Variants in TRRAP observed in about 807,000 individuals in gnomAD.
The protein encoded by TRRAP is transformation/transcription domain-associated protein.
Under a neutral mutation model 438.8 loss-of-function variants are expected in TRRAP, and 41 were observed. That is an observed-to-expected ratio of 0.09 (90% CI 0.07 to 0.12). The LOEUF (loss-of-function observed/expected upper bound fraction) is 0.12, where lower values mean the gene tolerates loss of function less well. Ranked by LOEUF, TRRAP falls within the 10% of genes least tolerant of loss-of-function variation. The pLI, the probability that TRRAP is intolerant of heterozygous loss-of-function variation, is 1.00. For synonymous variants in TRRAP, 1,994 were observed against 1,962.9 expected, an observed-to-expected ratio of 1.02 and a Z score of -0.42; for missense variants, 3,122 against 5,055.1, an observed-to-expected ratio of 0.62 and a Z score of 11.60.
chr7:98,992,231 C>A lies in TRRAP; in HGVS notation c.9847+4C>A. On this transcript the variant is annotated splice_donor_region_variant and intron_variant, in intron 65 of 72. Transcript: ENST00000456197. ...CAGCGGGAACGCTACAAGAGCGGTA[C>A]GTCTCGGGTGGGGCCGGTAGGCCAG... 1.2e-6 allele frequency: 2 copies of A among 1,613,900 alleles called. No individual in the cohort carries two copies. Among genetic ancestry groups the A allele is most frequent in the South Asian group, 1.1e-5 (1 of 91,084 alleles).
Position 98,908,806 on chromosome 7 carries a change from C to T in TRRAP, c.1194C>T (p.Ala398=), listed in dbSNP as rs537115692. The T allele has an allele frequency of 2.8e-5, 45 of 1,606,268 alleles. No homozygotes were observed. The East Asian group carries it at 4.9e-4, about 18-fold the overall frequency. The change falls in exon 14 of 73, where the codon GCC becomes GCT. Residue 398 remains alanine (A), a synonymous_variant. Coordinates refer to ENST00000456197, the MANE Select transcript of TRRAP (RefSeq NM_001375524.1). This position sits in a 1 kb window ranked among gnomAD's most constrained non-coding sequence, Gnocchi z 4.1. ...TGCCCCTCAGCGACCTCTCCCTCGC[C>T]GTCCAGCTCTTCGCCAAGAACATCG... is the stretch of plus-strand genomic sequence containing the variant. ...QHLPLSDLSL[A]VQLFAKNIDD... is the part of the protein sequence containing the mutation.
intron 69 of TRRAP, 97 bp from the exon 70 acceptor site, chr7:99,008,280 C>T (rs986548942): frequency 1.2e-5 from 15 of 1,287,580 alleles, no homozygotes; most frequent in African/African-American, 5.9e-5. Context: ...CATACAGAGC[C>T]GGGTCAGCTC....
chr7:98,923,754 T>G (rs939963372), intron 21 of TRRAP, among the ~76,000 whole-genome samples: 1 of 152,230 alleles, frequency 6.6e-6, no homozygotes, highest in African/African-American at 2.4e-5. Context: ...GGGGAGGGCC[T>G]CTGTCCCTGT....
chr7:98,957,752 T>C (rs931076850), intron 43 of TRRAP, among the ~76,000 whole-genome samples: 26 of 152,216 alleles, frequency 1.7e-4, no homozygotes, highest in African/African-American at 6.3e-4. Flanking sequence ...CTCGCACTTT[T>C]GTTCCCCATC....
intron 53 of TRRAP, 83 bp downstream of exon 53, chr7:98,972,028 G>A (rs1295530798): frequency 2.0e-6 from 3 of 1,489,218 alleles, no homozygotes; most frequent in East Asian, 4.7e-5. Flanking sequence ...CCACAGCAGT[G>A]TAACTTTTTC....
At position 98,956,362 on chromosome 7, in the gene TRRAP, ATCAG is replaced by A. The variant is rs782243003; in HGVS notation, c.6097-31_6097-28del. On this transcript the variant is annotated intron_variant, in intron 42 of 72. Coordinates refer to ENST00000456197, the MANE Select transcript of TRRAP (RefSeq NM_001375524.1). The surrounding 1 kb of genome is among the most constrained non-coding windows in gnomAD (Gnocchi z 4.5). Reference sequence around the variant, plus strand: ...GTCTTCCTTTGACTTCTCCCTAGAAATCAGTCAGTAAAACCAAGCGCCTGTGTGT... The same window carrying A: ...GTCTTCCTTTGACTTCTCCCTAGAAATCAGTAAAACCAAGCGCCTGTGTGT... The A allele has an allele frequency of 6.2e-7, 1 of 1,613,294 alleles. No individual in the cohort carries two copies. Among genetic ancestry groups the A allele is most frequent in the Non-Finnish European group, 8.5e-7 (1 of 1,179,486 alleles).
intron 61 of TRRAP, 62 bp downstream of exon 61, chr7:98,984,420 G>A: frequency 6.8e-7 from 1 of 1,474,196 alleles, no homozygotes; most frequent in Admixed American, 2.4e-5. Context: ...GGAGAATGAG[G>A]CAATGTGGGG....
chr7:98,921,620 C>T (rs1231334421), intron 20 of TRRAP, 133 bp from the exon 21 acceptor site: 5 of 1,174,606 alleles, frequency 4.3e-6, no homozygotes, highest in Non-Finnish European at 6.0e-6. Context: ...AGGTGATCTA[C>T]CCGCCTTAGC....
chr7:98,950,232 C>A lies in TRRAP; in HGVS notation c.5304C>A (p.Asp1768Glu). The change falls in exon 38 of 73, where the codon GAC becomes GAA. Residue 1768 changes from aspartate (D) to glutamate (E), a missense_variant. Asp to Glu is a conservative substitution (Grantham distance 45). Transcript: ENST00000456197. Reference protein sequence around the residue: ...ALFFRFVDFNDPNFGDELKAK... With the variant: ...ALFFRFVDFNEPNFGDELKAK... ...TCTTTCGCTTTGTAGACTTCAACGA[C>A]CCCAACTTCGGAGATGAATTAAAAG... The A allele has an allele frequency of 6.2e-7, 1 of 1,614,196 alleles. No homozygotes were observed. The highest frequency in any genetic ancestry group is 1.1e-5 in the South Asian group (1 of 91,074).
chr7:98,990,189 C>A (rs745786056), intron 63 of TRRAP, among the ~76,000 whole-genome samples: 1 of 152,110 alleles, frequency 6.6e-6, no homozygotes, highest in Non-Finnish European at 1.5e-5. Context: ...GATCGCACCA[C>A]GGCACTCCAG....
At chr7:98,888,046 C>T (rs535799038) in intron 3 of TRRAP, among the ~76,000 whole-genome samples, 5 of 151,910 alleles carry the variant, frequency 3.3e-5, no homozygotes, top group Admixed American at 1.3e-4. Context: ...TTGGCTAACA[C>T]GGTGAAACCC....
chr7:98,910,487 T>G, intron 15 of TRRAP, 23 bp from the exon 16 acceptor site: 1 of 1,613,950 alleles, frequency 6.2e-7, no homozygotes, highest in East Asian at 2.2e-5. Flanking sequence ...TCAAGTTAAC[T>G]TAATATACTT....
In TRRAP at chr7:99,008,401, C is replaced by T. The variant is rs1283716921; in HGVS notation, c.10778C>T (p.Pro3593Leu). ...GTGCCCCGGGTTGTGGCAGTTTCCC[C>T]ACAGATGCGCCTCGTGGAGGACAAC... Reference protein sequence around the residue: ...FTVPRVVAVSPQMRLVEDNPS... With the variant: ...FTVPRVVAVSLQMRLVEDNPS... The change falls in exon 70 of 73, where the codon CCA becomes CTA. Residue 3593 changes from proline (P) to leucine (L), a missense_variant. Pro to Leu is a moderately conservative substitution (Grantham distance 98, BLOSUM62 -3). Coordinates refer to ENST00000456197, the MANE Select transcript of TRRAP (RefSeq NM_001375524.1). 6.2e-7 allele frequency: 1 copy of T among 1,614,094 alleles called. No homozygotes were observed. The highest frequency in any genetic ancestry group is 8.5e-7 in the Non-Finnish European group (1 of 1,180,030).
chr7:98,981,464 C>T (rs1408137735), intron 58 of TRRAP, among the ~76,000 whole-genome samples: 2 of 152,184 alleles, frequency 1.3e-5, no homozygotes, highest in Non-Finnish European at 2.9e-5. Context: ...TTCATCTGAT[C>T]TGTCATAACA....
In TRRAP at chr7:99,011,631, G is replaced by T. The variant is rs1260661342; in HGVS notation, c.11337+96G>T. The T allele has an allele frequency of 2.9e-6, 4 of 1,386,560 alleles. No individual in the cohort carries two copies. In the African/African-American group the frequency reaches 4.3e-5, roughly 15 times the overall value. 85.9% of individuals were successfully genotyped at this position (1,386,560 alleles called of 1,614,324 possible). ...CAGGAGCTGCTGATGTGCCTCACGG[G>T]CTCTGCGCTCTCCACAGTGGCCAGC... On this transcript the variant is annotated intron_variant, in intron 72 of 72. Transcript: ENST00000456197. The surrounding 1 kb of genome is among the most constrained non-coding windows in gnomAD (Gnocchi z 7.1).
Position 99,004,225 on chromosome 7 carries a change from C to T in TRRAP, c.10345C>T (p.His3449Tyr). The change falls in exon 68 of 73, where the codon CAT becomes TAT. Residue 3449 changes from histidine to tyrosine, a missense_variant. Physicochemically the swap from His to Tyr is moderately conservative, Grantham distance 83. This residue lies in a region of TRRAP where 107 missense variants were observed against 327.5 expected (regional missense o/e 0.33). Transcript: ENST00000456197. ...CAGCGTTCCAGGATCCATGAAGCTT[C>T]ATAATCTTATTTCTAAGTTGAAAAA... The part of the protein sequence containing the change: ...DFSVPGSMKL[H>Y]NLISKLKKWI... 6.2e-7 allele frequency: 1 copy of T among 1,613,822 alleles called. No homozygotes were observed. Among genetic ancestry groups the T allele is most frequent in the Non-Finnish European group, 8.5e-7 (1 of 1,179,964 alleles).
intron 17 of TRRAP, among the ~76,000 whole-genome samples, 190 bp downstream of exon 17, chr7:98,911,461 G>A (rs1449840077): frequency 2.6e-5 from 4 of 152,166 alleles, no homozygotes; most frequent in African/African-American, 9.7e-5. Context: ...CTTTGGATCA[G>A]TTCCTTTCGT....
At chr7:98,911,492 GC>G (rs1789273512) in intron 17 of TRRAP, among the ~76,000 whole-genome samples, 1 of 152,190 alleles carries the variant, frequency 6.6e-6, no homozygotes, top group South Asian at 2.1e-4. Context: ...AAATATGTGG[GC>G]CAGGTGCAAT....
In TRRAP at chr7:98,992,194, C is replaced by T. The variant is rs1399713700; in HGVS notation, c.9814C>T (p.Leu3272=). The T allele has an allele frequency of 6.2e-7, 1 of 1,614,126 alleles. No homozygotes were observed. The highest frequency in any genetic ancestry group is 8.5e-7 in the Non-Finnish European group (1 of 1,180,058). The change falls in exon 65 of 73, where the codon CTG becomes TTG. Residue 3272 remains leucine (L), a synonymous_variant. Transcript: ENST00000456197. The part of the protein sequence containing the change: ...YFPIRTLYLT[L]KIEQRERYKS... ...TCCCATCCGGACCCTGTACCTGACC[C>T]TGAAAATAGAACAGCGGGAACGCTA...
Sources: allele counts gnomAD v4.1 joint callset (sites outside exome capture counted in the v4.1 genomes callset), GRCh38; gene constraint gnomAD v4.1.1; regional missense constraint gnomAD v4.1.1; non-coding constraint Gnocchi (gnomAD v3.1); transcripts MANE v1.5; gene names NCBI Gene and HGNC (gene_info 2026-07-23, HGNC 2026-07-21).